The following CNTN5 variants were observed in gnomAD, a reference collection of about 807,000 sequenced individuals.
CNTN5 encodes contactin 5.
A neutral mutation model predicts 129.1 loss-of-function variants in CNTN5; 77 were observed. That is an observed-to-expected ratio of 0.60 (90% CI 0.50 to 0.72). The LOEUF is 0.72. CNTN5 is among the 30% of genes least tolerant of loss of function. The pLI is 0.00. For missense variants in CNTN5, 1,478 were observed against 1,328.8 expected, an observed-to-expected ratio of 1.11 and a Z score of -1.75; for synonymous variants, 509 against 465.6, an observed-to-expected ratio of 1.09 and a Z score of -1.20.
intron 18 of CNTN5, among the ~76,000 whole-genome samples, chr11:100,280,015 T>C (rs1174904664): frequency 6.6e-6 from 1 of 151,430 alleles, no homozygotes; most frequent in East Asian, 1.9e-4. Context: ...GATTCCATTA[T>C]CATTTGTTTC....
chr11:99,415,214 G>T (rs1254202001), intron 2 of CNTN5, among the ~76,000 whole-genome samples: 1 of 152,130 alleles, frequency 6.6e-6, no homozygotes, highest in African/African-American at 2.4e-5. Flanking sequence ...TACACAACAC[G>T]TTGAACCTTC....
intron 1 of CNTN5, among the ~76,000 whole-genome samples, chr11:99,176,569 G>A (rs1277342536): frequency 2.0e-5 from 3 of 152,124 alleles, no homozygotes; most frequent in Non-Finnish European, 4.4e-5. Context: ...CACATGTCCA[G>A]TTGAGAGTTG....
intron 3 of CNTN5, among the ~76,000 whole-genome samples, chr11:99,591,446 T>G (rs113366399): frequency 2.0e-5 from 3 of 150,732 alleles, no homozygotes; most frequent in African/African-American, 7.3e-5. Flanking sequence ...CGAGCAATTC[T>G]CCTGCCTCAG....
intron 2 of CNTN5, among the ~76,000 whole-genome samples, chr11:99,363,499 T>A (rs1474862975): frequency 6.6e-6 from 1 of 152,102 alleles, no homozygotes; most frequent in Non-Finnish European, 1.5e-5. Flanking sequence ...TCTGTGAGAT[T>A]TTCAAGCTGT....
At chr11:100,046,186 T>C (rs1416899403) in intron 9 of CNTN5, among the ~76,000 whole-genome samples, 3 of 152,030 alleles carry the variant, frequency 2.0e-5, no homozygotes. Flanking sequence ...TACCTAATGC[T>C]AAATGATGAG....
intron 1 of CNTN5, among the ~76,000 whole-genome samples, chr11:99,045,734 T>C (rs1864178786): frequency 6.6e-6 from 1 of 152,206 alleles, no homozygotes; most frequent in Non-Finnish European, 1.5e-5. Context: ...CAGGATTGAC[T>C]AATGTAAAGG....
At chr11:100,328,413 G>C (rs2138980240) in intron 21 of CNTN5, among the ~76,000 whole-genome samples, 1 of 152,228 alleles carries the variant, frequency 6.6e-6, no homozygotes, top group East Asian at 1.9e-4. Flanking sequence ...AACTACCTGA[G>C]ACTGGGTAAT....
intron 9 of CNTN5, among the ~76,000 whole-genome samples, chr11:100,018,266 C>T (rs937012990): frequency 6.6e-6 from 1 of 151,836 alleles, no homozygotes; most frequent in African/African-American, 2.4e-5. Flanking sequence ...CCAGTACCTA[C>T]CTATTAACAT....
intron 2 of CNTN5, among the ~76,000 whole-genome samples, chr11:99,493,153 T>C (rs927765360): frequency 1.6e-4 from 25 of 152,364 alleles, no homozygotes; most frequent in African/African-American, 5.8e-4. Context: ...TTTTAACTTA[T>C]ATTTTAACTT....
rs145060638 is a variant in CNTN5, at chr11:99,100,881, T to C, written c.-210+79611T>C. Among the ~76,000 whole-genome samples, 57 of 152,262 alleles carry C rather than the reference T, an allele frequency of 3.7e-4. No individual in the cohort carries two copies. The East Asian group carries it at 9.7e-3, about 26-fold the overall frequency. ...AGAACTATCTCTGATGAAAATTGAG[T>C]CATTCTAAAATGTGCTGAAATATAT... On this transcript the variant is annotated intron_variant, in intron 1 of 24. Coordinates refer to ENST00000524871, the MANE Select transcript of CNTN5 (RefSeq NM_014361.4).
chr11:99,371,519 A>G (rs2136133293), intron 2 of CNTN5, among the ~76,000 whole-genome samples: 1 of 152,138 alleles, frequency 6.6e-6, no homozygotes, highest in East Asian at 1.9e-4. Context: ...ACATGACTTC[A>G]GTAATCTGGA....
chr11:100,007,493 T>G (rs1361612041), intron 9 of CNTN5, among the ~76,000 whole-genome samples: 1 of 152,132 alleles, frequency 6.6e-6, no homozygotes, highest in Non-Finnish European at 1.5e-5. Context: ...CATCAGCACT[T>G]GCTACTTCAC....
chr11:99,532,010 T>A (rs904494400), intron 2 of CNTN5, among the ~76,000 whole-genome samples: 10 of 151,982 alleles, frequency 6.6e-5, no homozygotes, highest in African/African-American at 2.4e-4. Context: ...AGGGCCACTG[T>A]CCTCCAGACC....
At chr11:99,274,516 A>G (rs1231161352) in intron 1 of CNTN5, among the ~76,000 whole-genome samples, 1 of 151,646 alleles carries the variant, frequency 6.6e-6, no homozygotes, top group Non-Finnish European at 1.5e-5. Context: ...TGTTTGATAT[A>G]TAATTAGTAT....
chr11:99,337,825 T>A (rs1455912932), intron 2 of CNTN5, among the ~76,000 whole-genome samples: 3 of 151,556 alleles, frequency 2.0e-5, no homozygotes, highest in Non-Finnish European at 4.4e-5. Flanking sequence ...TTTGGAATAT[T>A]GAAAGTATAA....
intron 7 of CNTN5, among the ~76,000 whole-genome samples, chr11:99,954,356 G>A (rs1950747233): frequency 2.1e-5 from 1 of 48,382 alleles, no homozygotes; most frequent in Non-Finnish European, 4.4e-5. Flanking sequence ...TAACCATACT[G>A]TTAAAAAAAA....
At chr11:99,074,681 G>T (rs992658847) in intron 1 of CNTN5, among the ~76,000 whole-genome samples, 4 of 151,952 alleles carry the variant, frequency 2.6e-5, no homozygotes, top group Non-Finnish European at 5.9e-5. Flanking sequence ...ATAAATATCT[G>T]TTTACATCAT....
At chr11:100,039,114 T>A (rs1463267355) in intron 9 of CNTN5, among the ~76,000 whole-genome samples, 1 of 152,218 alleles carries the variant, frequency 6.6e-6, no homozygotes, top group African/African-American at 2.4e-5. Context: ...TTCCGGTTGT[T>A]CCTTTCCATG....
chr11:99,653,782 G>C (rs946924871), intron 3 of CNTN5, among the ~76,000 whole-genome samples: 7 of 152,148 alleles, frequency 4.6e-5, no homozygotes, highest in African/African-American at 1.7e-4. Context: ...TCAGATCTTT[G>C]CTATAGTCAG....
Sources: gnomAD v4.1 joint callset for allele counts (sites outside exome capture counted in the v4.1 genomes callset) on GRCh38, gnomAD v4.1.1 for gene constraint, MANE v1.5 for transcripts, NCBI Gene and HGNC (gene_info 2026-07-23, HGNC 2026-07-21) for gene names.